Variants in GULP1 observed in about 807,000 individuals in gnomAD.
GULP1 encodes the protein GULP PTB domain containing engulfment adaptor 1.
GULP1 carries 19 observed loss-of-function variants against 40.9 expected under a neutral mutation model. The observed-to-expected ratio is 0.46, with a 90% CI of 0.32 to 0.68. GULP1 has a LOEUF of 0.68. GULP1 is among the 30% of genes least tolerant of loss of function. The pLI is 0.03. For synonymous variants in GULP1, 119 were observed against 117.6 expected (o/e 1.01, Z -0.08); for missense variants, 312 against 362.2 (o/e 0.86, Z 1.12).
chr2:188,569,994 AC>A, intron 8 of GULP1, 33 bp from the exon 9 acceptor site: 1 of 841,944 alleles, frequency 1.2e-6, no homozygotes, highest in African/African-American at 1.7e-5. Flanking sequence ...GAAAAAAAAA[AC>A]AGAAAGTTAT....
intron 1 of GULP1, among the ~76,000 whole-genome samples, chr2:188,348,682 A>T (rs1371258847): frequency 2.0e-5 from 3 of 152,198 alleles, no homozygotes; most frequent in Non-Finnish European, 4.4e-5. Flanking sequence ...ATTTCATAAG[A>T]GTTTCAAAAA....
At chr2:188,343,875 T>G (rs1490206199) in intron 1 of GULP1, among the ~76,000 whole-genome samples, 2 of 152,182 alleles carry the variant, frequency 1.3e-5, no homozygotes, top group Non-Finnish European at 2.9e-5. Context: ...TGATCTCGGC[T>G]CACTACAACC....
chr2:188,434,920 A>G (rs2057264695), intron 2 of GULP1, among the ~76,000 whole-genome samples: 1 of 151,986 alleles, frequency 6.6e-6, no homozygotes, highest in Non-Finnish European at 1.5e-5. Flanking sequence ...AACTTTACAT[A>G]AGATGTGAGC....
intron 9 of GULP1, chr2:188,582,600 C>T: frequency 2.2e-6 from 1 of 448,636 alleles, no homozygotes; most frequent in South Asian, 1.6e-5. Flanking sequence ...TTTTTATTAT[C>T]CCACTTATTT....
chr2:188,552,635 G>A (rs967931678), intron 7 of GULP1, among the ~76,000 whole-genome samples: 6 of 151,582 alleles, frequency 4.0e-5, no homozygotes, highest in Admixed American at 6.6e-5. Flanking sequence ...TAAGTTTGCC[G>A]TTTCTTATTC....
intron 6 of GULP1, among the ~76,000 whole-genome samples, chr2:188,532,193 T>C (rs1343709566): frequency 6.6e-6 from 1 of 152,246 alleles, no homozygotes; most frequent in Non-Finnish European, 1.5e-5. Context: ...TACGTTCATA[T>C]ACCATAATTT....
In GULP1 at chr2:188,569,235, A is replaced by G. The variant is rs767060944; in HGVS notation, c.400-4A>G. 7.1e-7 allele frequency: 1 copy of G among 1,413,394 alleles called. No individual in the cohort carries two copies. 87.6% of individuals were successfully genotyped at this position (1,413,394 alleles called of 1,614,324 possible). ...ATGCAAATCTTTGTTTGATTTTTAC[A>G]CAGGCTGAAGAGATCACTTTAACAA... On this transcript the variant is annotated splice_polypyrimidine_tract_variant and splice_region_variant and intron_variant, in intron 7 of 11. Transcript: ENST00000409830.
At chr2:188,433,620 G>A (rs949815528) in intron 2 of GULP1, among the ~76,000 whole-genome samples, 3 of 152,080 alleles carry the variant, frequency 2.0e-5, no homozygotes, top group Non-Finnish European at 4.4e-5. Flanking sequence ...CTTTCAATGG[G>A]CACATCTTGG....
intron 2 of GULP1, among the ~76,000 whole-genome samples, chr2:188,409,921 G>A (rs573920136): frequency 1.4e-4 from 21 of 152,248 alleles, no homozygotes; most frequent in Non-Finnish European, 2.5e-4. Context: ...AACAAAGCTG[G>A]AAGCATCACA....
chr2:188,550,757 T>G (rs1289683782), intron 7 of GULP1, among the ~76,000 whole-genome samples: 1 of 151,642 alleles, frequency 6.6e-6, no homozygotes, highest in East Asian at 1.9e-4. Flanking sequence ...GTTTGCTTTG[T>G]GTTAATAATT....
At chr2:188,388,225 T>A (rs1272101558) in intron 2 of GULP1, among the ~76,000 whole-genome samples, 1 of 151,996 alleles carries the variant, frequency 6.6e-6, no homozygotes, top group Non-Finnish European at 1.5e-5. Context: ...ATCCAGTCTA[T>A]CCCTTTAAGA....
intron 1 of GULP1, among the ~76,000 whole-genome samples, chr2:188,363,284 G>A (rs1386788649): frequency 6.6e-6 from 1 of 152,012 alleles, no homozygotes. Context: ...TCTATAGATG[G>A]TTACTTGGTG....
At chr2:188,462,364 G>A (rs1349931802) in intron 2 of GULP1, among the ~76,000 whole-genome samples, 1 of 152,118 alleles carries the variant, frequency 6.6e-6, no homozygotes, top group Non-Finnish European at 1.5e-5. Context: ...CCTTAAGAAT[G>A]TTTCATGTGC....
chr2:188,344,780 A>AT (rs962545320), intron 1 of GULP1, among the ~76,000 whole-genome samples: 2 of 152,120 alleles, frequency 1.3e-5, no homozygotes, highest in African/African-American at 4.8e-5. Context: ...ACACTCTTGG[A>AT]TTTTTTAAAA....
At chr2:188,487,787 T>C (rs1034733149) in intron 4 of GULP1, among the ~76,000 whole-genome samples, 1 of 151,936 alleles carries the variant, frequency 6.6e-6, no homozygotes, top group Non-Finnish European at 1.5e-5. Flanking sequence ...TTTCTAGAGG[T>C]GTCAGAGTTT....
chr2:188,422,473 C>G (rs2055579315), intron 2 of GULP1, among the ~76,000 whole-genome samples: 1 of 151,490 alleles, frequency 6.6e-6, no homozygotes, highest in Non-Finnish European at 1.5e-5. Flanking sequence ...CCTTAACCCC[C>G]TCCTTTACTT....
rs371480920 is a variant in GULP1, at chr2:188,529,133, A to G, written c.199A>G (p.Ile67Val). The G allele has an allele frequency of 6.3e-7, 1 of 1,583,880 alleles. No homozygotes were observed. Among genetic ancestry groups the G allele is most frequent in the South Asian group, 1.1e-5 (1 of 87,158 alleles). The change falls in exon 6 of 12, where the codon ATT (isoleucine) becomes GTT (valine). Residue 67 changes from isoleucine (I) to valine (V), a missense_variant. Physicochemically the swap from Ile to Val is conservative, Grantham distance 29. Coordinates refer to ENST00000409830, the MANE Select transcript of GULP1 (RefSeq NM_016315.4). ...TATCAAGAAATCTGAAGGCCAGAAA[A>G]TTCCTAAAGTGGAGTTGCAAATATC... is the stretch of plus-strand genomic sequence containing the variant. ...RHIKKSEGQK[I>V]PKVELQISIY...
At chr2:188,578,647 A>G (rs1700647621) in intron 9 of GULP1, among the ~76,000 whole-genome samples, 2 of 152,152 alleles carry the variant, frequency 1.3e-5, no homozygotes, top group South Asian at 2.1e-4. Flanking sequence ...TATAATTACC[A>G]TATAATTTTT....
chr2:188,504,995 A>G (rs2063770880), intron 4 of GULP1, among the ~76,000 whole-genome samples: 1 of 149,140 alleles, frequency 6.7e-6, no homozygotes, highest in South Asian at 2.1e-4. Context: ...ATCTTTCTGT[A>G]TTTTATGAGT....
Sources: allele counts gnomAD v4.1 joint callset (sites outside exome capture counted in the v4.1 genomes callset), GRCh38; gene constraint gnomAD v4.1.1; transcripts MANE v1.5; gene names NCBI Gene and HGNC (gene_info 2026-07-23, HGNC 2026-07-21).